The following WWOX variants were observed in gnomAD, a reference collection of about 807,000 sequenced individuals.
WWOX encodes the protein WW domain-containing oxidoreductase.
In WWOX, 69 loss-of-function variants were observed where a neutral mutation model predicts 46.2. The ratio of observed to expected loss-of-function variants is 1.49; its 90% CI spans 1.23 to 1.82. The LOEUF (loss-of-function observed/expected upper bound fraction) is 1.82. Among genes scored for constraint, WWOX ranks in the 40% most tolerant of loss-of-function variants. The pLI is 0.00. For missense variants in WWOX, 919 were observed against 542.6 expected (o/e 1.69, Z -6.89); for synonymous variants, 359 against 202.6 (o/e 1.77, Z -6.56).
chr16:78,975,475 T>A (rs1300016539), intron 8 of WWOX, among the ~76,000 whole-genome samples: 5 of 150,968 alleles, frequency 3.3e-5, no homozygotes, highest in Admixed American at 6.6e-5. Context: ...TTTTTTTCAT[T>A]ATGGCCCCCT....
At chr16:79,108,759 GGTGTA>G (rs756669361) in intron 8 of WWOX, among the ~76,000 whole-genome samples, 1 of 152,050 alleles carries the variant, frequency 6.6e-6, no homozygotes, top group Non-Finnish European at 1.5e-5. Context: ...AAATTAGTTA[GGTGTA>G]GTGGCGTGTG....
At chr16:78,790,828 G>A (rs1326684315) in intron 8 of WWOX, among the ~76,000 whole-genome samples, 1 of 151,810 alleles carries the variant, frequency 6.6e-6, no homozygotes, top group East Asian at 2.0e-4. Flanking sequence ...AGACCAGCCT[G>A]GGCAACATGG....
chr16:78,249,250 A>G (rs2037914267), intron 5 of WWOX, among the ~76,000 whole-genome samples: 2 of 152,160 alleles, frequency 1.3e-5, no homozygotes, highest in South Asian at 4.1e-4. Context: ...ATGTGAACCC[A>G]GGAAGTCCGC....
intron 5 of WWOX, among the ~76,000 whole-genome samples, chr16:78,312,762 G>T (rs1479782164): frequency 6.6e-6 from 1 of 152,168 alleles, no homozygotes; most frequent in African/African-American, 2.4e-5. Flanking sequence ...TGGCTTTATG[G>T]ACAATGTGCT....
At chr16:79,155,402 G>T (rs2050362168) in intron 8 of WWOX, among the ~76,000 whole-genome samples, 2 of 152,160 alleles carry the variant, frequency 1.3e-5, no homozygotes, top group East Asian at 1.9e-4. Context: ...AGGTGGGGGG[G>T]TGGGCAGAGA....
chr16:78,895,344 C>T (rs1350424172), intron 8 of WWOX: 1 of 152,174 alleles, frequency 6.6e-6, no homozygotes, highest in Admixed American at 6.5e-5. Flanking sequence ...ATCTTCCTTT[C>T]TCATTCCCAG....
chr16:78,556,089 G>T (rs974865274), intron 8 of WWOX, among the ~76,000 whole-genome samples: 1 of 152,042 alleles, frequency 6.6e-6, no homozygotes, highest in African/African-American at 2.4e-5. Context: ...TTCATTCATT[G>T]TTCCATAGGT....
intron 5 of WWOX, among the ~76,000 whole-genome samples, chr16:78,309,438 G>A (rs1374107591): frequency 6.6e-6 from 1 of 152,136 alleles, no homozygotes. Flanking sequence ...AGCAATGTGA[G>A]AATGGGCTAA....
At chr16:78,820,793 G>A (rs913654266) in intron 8 of WWOX, among the ~76,000 whole-genome samples, 20 of 152,112 alleles carry the variant, frequency 1.3e-4, no homozygotes, top group African/African-American at 3.9e-4. Flanking sequence ...TGTGGGGTTC[G>A]TTCCTTCTGG....
At chr16:78,753,530 T>C (rs1371107804) in intron 8 of WWOX, among the ~76,000 whole-genome samples, 7 of 151,950 alleles carry the variant, frequency 4.6e-5, no homozygotes, top group Non-Finnish European at 1.0e-4. Flanking sequence ...CCAGGTGCAG[T>C]GGCTCATGCC....
At chr16:78,982,166 AG>A (rs1028262429) in intron 8 of WWOX, among the ~76,000 whole-genome samples, 3 of 150,786 alleles carry the variant, frequency 2.0e-5, no homozygotes, top group Admixed American at 2.0e-4. Flanking sequence ...AAAAATAAAA[AG>A]AAACGACCCC....
At chr16:78,822,233 C>T (rs1410669613) in intron 8 of WWOX, among the ~76,000 whole-genome samples, 1 of 152,084 alleles carries the variant, frequency 6.6e-6, no homozygotes, top group African/African-American at 2.4e-5. Flanking sequence ...GTGGCTTACC[C>T]CTGTAATCAC....
intron 8 of WWOX, among the ~76,000 whole-genome samples, chr16:78,851,234 A>G (rs1168687853): frequency 1.3e-5 from 2 of 152,160 alleles, no homozygotes; most frequent in Admixed American, 6.6e-5. Context: ...CAATAACCAA[A>G]TTCACAGAAA....
intron 8 of WWOX, among the ~76,000 whole-genome samples, chr16:79,058,553 G>T (rs1295726773): frequency 3.3e-5 from 5 of 152,128 alleles, no homozygotes; most frequent in South Asian, 4.1e-4. Flanking sequence ...ATGATATAGG[G>T]AATTGAAAAG....
At chr16:78,133,284 G>A (rs1228116254) in intron 4 of WWOX, among the ~76,000 whole-genome samples, 1 of 152,052 alleles carries the variant, frequency 6.6e-6, no homozygotes, top group East Asian at 1.9e-4. Flanking sequence ...TTTGAAAGAT[G>A]GAGTCTTGCA....
intron 8 of WWOX, among the ~76,000 whole-genome samples, chr16:78,951,958 T>A (rs1184911793): frequency 6.6e-6 from 1 of 152,182 alleles, no homozygotes; most frequent in East Asian, 1.9e-4. Context: ...AGCAAAGTGA[T>A]CTTTTTGAGA....
intron 8 of WWOX, among the ~76,000 whole-genome samples, chr16:78,932,230 A>G (rs540358720): frequency 6.6e-6 from 1 of 152,306 alleles, no homozygotes; most frequent in East Asian, 1.9e-4. Flanking sequence ...CTCCTCATAA[A>G]GTATTGTATC....
intron 6 of WWOX, among the ~76,000 whole-genome samples, chr16:78,416,290 A>G (rs901728103): frequency 6.6e-6 from 1 of 152,238 alleles, no homozygotes; most frequent in South Asian, 2.1e-4. Context: ...GCAATGTGCC[A>G]TTTGAATAAT....
rs1478024289 is a variant in WWOX, at chr16:78,396,631, T to C, written c.605+9683T>C. The stretch of plus-strand genomic sequence containing the variant: ...TCCTTCCTTTAGCTATAGCAAATAA[T>C]GTTAATTATTGTTGGTGTTAAATAA... On this transcript the variant is annotated intron_variant, in intron 6 of 8. Transcript: ENST00000566780. 2.0e-5 allele frequency among the ~76,000 whole-genome samples: 3 copies of C among 152,302 alleles called. No individual in the cohort carries two copies. In the East Asian group the frequency reaches 5.8e-4, roughly 29 times the overall value.
Sources: allele counts gnomAD v4.1 joint callset (sites outside exome capture counted in the v4.1 genomes callset), GRCh38; gene constraint gnomAD v4.1.1; transcripts MANE v1.5; gene names NCBI Gene and HGNC (gene_info 2026-07-23, HGNC 2026-07-21).